Variants in CDKAL1 observed in about 807,000 individuals in gnomAD.
The protein encoded by CDKAL1 is threonylcarbamoyladenosine tRNA methylthiotransferase.
A neutral mutation model predicts 68.2 loss-of-function variants in CDKAL1; 32 were observed. The ratio of observed to expected loss-of-function variants is 0.47; its 90% CI spans 0.35 to 0.63. The LOEUF (loss-of-function observed/expected upper bound fraction) is 0.63, where lower values mean the gene tolerates loss of function less well. CDKAL1 is among the 30% of genes least tolerant of loss of function. CDKAL1 has a pLI of 0.00. For missense variants in CDKAL1, 606 were observed against 696.7 expected, an observed-to-expected ratio of 0.87 and a Z score of 1.47; for synonymous variants, 234 against 244.3, an observed-to-expected ratio of 0.96 and a Z score of 0.39.
chr6:21,079,976 C>CTCTGTGTGTGTGTGTGTGTGTGTGTGTG (rs1554171489), intron 12 of CDKAL1, among the ~76,000 whole-genome samples: 37 of 135,750 alleles, frequency 2.7e-4, no homozygotes, highest in African/African-American at 1.0e-3. Flanking sequence ...AACTTTGTCT[C>CTCTGTGTGTGTGTGTGTGTGTGTGTGTG]TGTGTGTGTG....
chr6:20,979,228 C>T (rs905507787), intron 10 of CDKAL1, among the ~76,000 whole-genome samples: 1 of 152,090 alleles, frequency 6.6e-6, no homozygotes, highest in African/African-American at 2.4e-5. Context: ...TTCACTTGAG[C>T]ACATTGACTC....
chr6:21,005,647 T>C (rs866108649), intron 11 of CDKAL1, among the ~76,000 whole-genome samples: 2 of 152,346 alleles, frequency 1.3e-5, no homozygotes, highest in Middle Eastern at 3.4e-3. Flanking sequence ...CTGTGGCGTC[T>C]CCATGTTGAT....
chr6:20,651,882 C>T (rs1020135742), intron 5 of CDKAL1, among the ~76,000 whole-genome samples: 9 of 152,140 alleles, frequency 5.9e-5, no homozygotes, highest in Non-Finnish European at 1.2e-4. Context: ...GAACCAGCCT[C>T]GCATCCAGGG....
At chr6:20,560,458 C>T (rs1191476360) in intron 4 of CDKAL1, among the ~76,000 whole-genome samples, 5 of 152,116 alleles carry the variant, frequency 3.3e-5, no homozygotes, top group African/African-American at 1.2e-4. Context: ...GTCCTAGAAT[C>T]TGGTTGTTGT....
intron 15 of CDKAL1, among the ~76,000 whole-genome samples, chr6:21,220,121 A>G (rs1482218669): frequency 6.6e-6 from 1 of 152,142 alleles, no homozygotes; most frequent in Non-Finnish European, 1.5e-5. Context: ...TACTACTATC[A>G]TGAATGTTGG....
chr6:20,974,978 CAAAAAAAAAAAAA>C (rs11330322), intron 10 of CDKAL1, among the ~76,000 whole-genome samples: 792 of 62,992 alleles, frequency 0.013, 10 homozygotes, highest in African/African-American at 0.047. Flanking sequence ...GACCCTATCT[CAAAAAAAAAAAAA>C]AAAAAAAAAA....
At chr6:21,130,882 A>C (rs968768776) in intron 13 of CDKAL1, among the ~76,000 whole-genome samples, 1 of 152,182 alleles carries the variant, frequency 6.6e-6, no homozygotes, top group Admixed American at 6.5e-5. Flanking sequence ...TGCCAATGCC[A>C]GGACTAAAAG....
In CDKAL1 at chr6:20,534,486, G is replaced by A. The variant is rs1158420649; in HGVS notation, c.-138G>A. 5 of 152,898 alleles carry A rather than the reference G, an allele frequency of 3.3e-5. No individual in the cohort carries two copies. In the South Asian group the frequency reaches 8.3e-4, roughly 25 times the overall value. The allele number at this position is 152,898 out of a possible 1,614,324, so 9.5% of individuals were successfully genotyped here. A position where few individuals can be genotyped will look rare whatever the true frequency, so the allele number is the denominator to read the frequency against. Reference sequence around the variant, plus strand: ...AAACGTGGCGGGACGTATGTGTCATGGCGCTCTCCATCTAAAGTCTGTGCA... The same window carrying A: ...AAACGTGGCGGGACGTATGTGTCATAGCGCTCTCCATCTAAAGTCTGTGCA... On this transcript the variant is annotated 5_prime_UTR_variant, in exon 1 of 16. The change abolishes an upstream ATG in the 5' untranslated region. Transcript: ENST00000274695.
At chr6:20,944,214 G>A (rs900391550) in intron 9 of CDKAL1, among the ~76,000 whole-genome samples, 2 of 152,182 alleles carry the variant, frequency 1.3e-5, no homozygotes, top group Non-Finnish European at 2.9e-5. Flanking sequence ...TTTCTCTCAA[G>A]AATCACATTC....
chr6:21,107,421 T>C (rs1411927223), intron 12 of CDKAL1, among the ~76,000 whole-genome samples: 5 of 152,026 alleles, frequency 3.3e-5, no homozygotes, highest in African/African-American at 1.2e-4. Flanking sequence ...TTTTTCTTTC[T>C]TTCTTTTGTT....
chr6:20,998,064 C>T (rs144837569), intron 10 of CDKAL1, among the ~76,000 whole-genome samples: 1 of 152,166 alleles, frequency 6.6e-6, no homozygotes, highest in Non-Finnish European at 1.5e-5. Context: ...AGTTTCATCT[C>T]GCAAAGTGTA....
chr6:20,789,903 G>C lies in CDKAL1; in HGVS notation c.638+8638G>C, dbSNP rs575580413. 9.2e-5 allele frequency among the ~76,000 whole-genome samples: 14 copies of C among 152,238 alleles called. No individual in the cohort carries two copies. In the South Asian group the frequency reaches 2.7e-3, roughly 29 times the overall value. ...ATCAGCTTATTTATTTCATATGTTT[G>C]TTCTTTAAGAAGACCAAAGAGCCCT... On this transcript the variant is annotated intron_variant, in intron 8 of 15. Coordinates refer to ENST00000274695, the MANE Select transcript of CDKAL1 (RefSeq NM_017774.3).
intron 4 of CDKAL1, among the ~76,000 whole-genome samples, chr6:20,550,798 G>C (rs1455285171): frequency 6.7e-6 from 1 of 149,406 alleles, no homozygotes; most frequent in Non-Finnish European, 1.5e-5. Context: ...ATCTTGCTTA[G>C]TCCTTGAGTA....
intron 13 of CDKAL1, among the ~76,000 whole-genome samples, chr6:21,152,006 G>A (rs10946432): frequency 0.079 from 12,024 of 152,192 alleles, 649 homozygotes; most frequent in East Asian, 0.27. Context: ...ATTAATAGTA[G>A]TCTTTGCTGA....
At chr6:21,066,406 A>G (rs1300632292) in intron 12 of CDKAL1, among the ~76,000 whole-genome samples, 2 of 152,226 alleles carry the variant, frequency 1.3e-5, no homozygotes, top group Non-Finnish European at 2.9e-5. Flanking sequence ...TCCCACAAAC[A>G]TAAAAAGATG....
chr6:20,609,387 T>G (rs1766502675), intron 4 of CDKAL1, among the ~76,000 whole-genome samples: 1 of 109,162 alleles, frequency 9.2e-6, no homozygotes, highest in Non-Finnish European at 2.0e-5. Flanking sequence ...CTTCTTCTTC[T>G]TCTTCTTCTT....
intron 12 of CDKAL1, among the ~76,000 whole-genome samples, chr6:21,087,782 A>T (rs1392877960): frequency 6.6e-6 from 1 of 151,738 alleles, no homozygotes; most frequent in Non-Finnish European, 1.5e-5. Flanking sequence ...TAATATACAG[A>T]TATGCATGCA....
At chr6:20,784,227 G>C (rs1236459290) in intron 8 of CDKAL1, among the ~76,000 whole-genome samples, 2 of 148,842 alleles carry the variant, frequency 1.3e-5, no homozygotes, top group South Asian at 4.3e-4. Flanking sequence ...AAAAAAAAAA[G>C]TGTAGTATTT....
intron 11 of CDKAL1, among the ~76,000 whole-genome samples, chr6:21,021,077 C>A (rs1486307083): frequency 6.6e-6 from 1 of 152,092 alleles, no homozygotes; most frequent in Non-Finnish European, 1.5e-5. Flanking sequence ...AATCACAATA[C>A]TGATGATAGA....
Sources: gnomAD v4.1 joint callset for allele counts (sites outside exome capture counted in the v4.1 genomes callset) on GRCh38, gnomAD v4.1.1 for gene constraint, MANE v1.5 for transcripts, NCBI Gene and HGNC (gene_info 2026-07-23, HGNC 2026-07-21) for gene names.